The following TRPM3 variants were observed in gnomAD, a reference collection of about 807,000 sequenced individuals.
TRPM3 encodes long transient receptor potential channel 3.
TRPM3 carries 77 observed loss-of-function variants against 181.2 expected under a neutral mutation model. The observed-to-expected ratio is 0.42, with a 90% CI of 0.35 to 0.51. The LOEUF (loss-of-function observed/expected upper bound fraction) is 0.51, where lower values mean the gene tolerates loss of function less well. Among genes scored for constraint, TRPM3 ranks in the 20% least tolerant of loss-of-function variants. TRPM3 has a pLI of 0.01. For synonymous variants in TRPM3, 745 were observed against 796.4 expected (o/e 0.94, Z 1.09); for missense variants, 1,759 against 2,196.7 (o/e 0.80, Z 3.98).
intron 1 of TRPM3, among the ~76,000 whole-genome samples, chr9:70,950,475 A>G (rs930869580): frequency 2.0e-5 from 3 of 152,238 alleles, no homozygotes; most frequent in Non-Finnish European, 2.9e-5. Context: ...AGGAAAAAGT[A>G]AGGTAATTAG....
chr9:70,576,414 C>T (rs2053941612), intron 22 of TRPM3, among the ~76,000 whole-genome samples: 1 of 152,146 alleles, frequency 6.6e-6, no homozygotes, highest in African/African-American at 2.4e-5. Flanking sequence ...CATACTTGAA[C>T]ACAGAAATTC....
chr9:71,369,516 T>A (rs1171979296), intron 1 of TRPM3, among the ~76,000 whole-genome samples: 2 of 152,106 alleles, frequency 1.3e-5, no homozygotes, highest in Admixed American at 1.3e-4. Flanking sequence ...AATGGTCCAT[T>A]TTTTATAACA....
Position 70,537,021 on chromosome 9 carries a change from CT to C in TRPM3, c.4091del (p.Lys1364SerfsTer11). On this transcript the variant is annotated frameshift_variant, in exon 26 of 26. Transcript: ENST00000677713. LOFTEE classifies it high-confidence loss of function. ...VNMKDKGGIEKLESIFKERSL... is the reference protein window; with the variant it reads ...VNMKDKGGIEXLESIFKERSL... ...ACCTTTCTTTAAAAATACTTTCCAA[CT>C]TTTCTATACCACCTTTGTCTTTCAT... 6.2e-7 allele frequency: 1 copy of C among 1,610,288 alleles called. No homozygotes were observed. The highest frequency in any genetic ancestry group is 8.5e-7 in the Non-Finnish European group (1 of 1,176,756).
At chr9:70,598,716 T>C (rs558787427) in intron 20 of TRPM3, 46 bp from the exon 21 acceptor site, 1 of 1,589,460 alleles carries the variant, frequency 6.3e-7, no homozygotes, top group East Asian at 2.2e-5. Context: ...TTTCTGTCTG[T>C]ATTTTCAGCC....
rs368934234 is a variant in TRPM3, at chr9:71,371,787, T to C, written c.183+74866A>G. Among the ~76,000 whole-genome samples, 79 of 152,362 alleles carry C rather than the reference T, an allele frequency of 5.2e-4. 1 individual carries two copies. In the South Asian group the frequency reaches 0.016, roughly 31 times the overall value. ...GCATCACATGCCATAGAGAACTCTT[T>C]GGTGAAGAGTCAATCATTTTGAAAA... On this transcript the variant is annotated intron_variant, in intron 1 of 24. Coordinates refer to the TRPM3 transcript ENST00000357533.
intron 6 of TRPM3, among the ~76,000 whole-genome samples, chr9:70,817,120 C>A (rs1295786936): frequency 6.6e-6 from 1 of 152,214 alleles, no homozygotes; most frequent in Non-Finnish European, 1.5e-5. Context: ...GTCTTCCTTT[C>A]CTTCATACTG....
At chr9:71,336,992 T>TA (rs2090604303) in intron 1 of TRPM3, among the ~76,000 whole-genome samples, 2 of 152,052 alleles carry the variant, frequency 1.3e-5, no homozygotes, top group Non-Finnish European at 2.9e-5. Flanking sequence ...TCTAAAATGA[T>TA]AAAAACACTA....
chr9:71,185,760 C>T (rs1264118197), intron 1 of TRPM3, among the ~76,000 whole-genome samples: 1 of 151,980 alleles, frequency 6.6e-6, no homozygotes, highest in Non-Finnish European at 1.5e-5. Context: ...AGAGGTAAGG[C>T]GTCTCATCCT....
intron 12 of TRPM3, among the ~76,000 whole-genome samples, chr9:70,629,545 C>T (rs572758073): frequency 1.9e-4 from 29 of 152,236 alleles, no homozygotes; most frequent in African/African-American, 7.0e-4. Flanking sequence ...CCATGTTGGT[C>T]AGGCTGGTCT....
chr9:70,687,912 C>A (rs915080435), intron 8 of TRPM3, among the ~76,000 whole-genome samples: 13 of 152,322 alleles, frequency 8.5e-5, no homozygotes, highest in African/African-American at 2.9e-4. Context: ...GACAACAACT[C>A]CCTGCCTTCA....
At chr9:71,409,328 A>C (rs903978511) in intron 1 of TRPM3, among the ~76,000 whole-genome samples, 2 of 152,114 alleles carry the variant, frequency 1.3e-5, no homozygotes, top group African/African-American at 4.8e-5. Flanking sequence ...TGGATAAAGA[A>C]TCAAGACCCA....
At chr9:70,940,491 T>C (rs897784838) in intron 1 of TRPM3, among the ~76,000 whole-genome samples, 2 of 152,254 alleles carry the variant, frequency 1.3e-5, no homozygotes, top group African/African-American at 4.8e-5. Flanking sequence ...TCCTGGAGCA[T>C]CTATCATATG....
intron 5 of TRPM3, among the ~76,000 whole-genome samples, chr9:70,831,985 A>ATATATATT (rs1564497569): frequency 9.3e-5 from 12 of 128,634 alleles, no homozygotes; most frequent in South Asian, 2.4e-4. Context: ...ATATATATAT[A>ATATATATT]TATATATATA....
intron 8 of TRPM3, among the ~76,000 whole-genome samples, chr9:70,743,123 T>C (rs964405462): frequency 3.5e-4 from 53 of 152,236 alleles, no homozygotes; most frequent in African/African-American, 1.3e-3. Context: ...TATTCACAGA[T>C]TTTTCAAAAA....
intron 1 of TRPM3, among the ~76,000 whole-genome samples, chr9:71,411,952 C>A (rs1360177177): frequency 2.0e-5 from 3 of 152,162 alleles, no homozygotes; most frequent in African/African-American, 7.2e-5. Context: ...CACACATCTA[C>A]AACCATCTGA....
rs770898962 is a variant in TRPM3 at position 70,532,584 on chromosome 9, ATAAAG to A, written c.*3364_*3368del. 1.8e-4 allele frequency: 28 copies of A among 152,324 alleles called. No individual in the cohort carries two copies. Among genetic ancestry groups the A allele is most frequent in the Non-Finnish European group, 4.0e-4 (27 of 68,034 alleles). 9.4% of individuals were successfully genotyped at this position (152,324 alleles called of 1,614,324 possible). A position where few individuals can be genotyped will look rare whatever the true frequency, so the allele number is the denominator to read the frequency against. Reference sequence around the variant, plus strand: ...AAGGAGGGGCCCTCTAACTATAAATATAAAGTATATTGGTTAAGCAGGAGACCTCC... The same window carrying A: ...AAGGAGGGGCCCTCTAACTATAAATATATATTGGTTAAGCAGGAGACCTCC... On this transcript the variant is annotated 3_prime_UTR_variant, in exon 26 of 26. Transcript: ENST00000677713.
chr9:71,420,757 AAG>A lies in TRPM3; in HGVS notation c.183+25894_183+25895del, dbSNP rs771977392. 8.4e-3 allele frequency among the ~76,000 whole-genome samples: 166 copies of A among 19,768 alleles called. 1 individual carries two copies. The highest frequency in any genetic ancestry group is 0.059 in the East Asian group (48 of 816). The allele number at this position is 19,768 out of a possible 152,430, so 13.0% of individuals were successfully genotyped here. A position where few individuals can be genotyped will look rare whatever the true frequency, so the allele number is the denominator to read the frequency against. On this transcript the variant is annotated intron_variant, in intron 1 of 24. Transcript: ENST00000357533. The stretch of plus-strand genomic sequence containing the variant: ...AGAGAAAGAGAGAGAAAGAGAGAGA[AAG>A]AGAGAGAAAGAGAGAGAAAGAGAGA...
intron 1 of TRPM3, among the ~76,000 whole-genome samples, chr9:71,363,067 A>T (rs1015543979): frequency 6.6e-6 from 1 of 152,224 alleles, no homozygotes; most frequent in African/African-American, 2.4e-5. Context: ...AGAAATGTTA[A>T]TTGCATTCGT....
At chr9:71,342,441 T>C (rs1169946447) in intron 1 of TRPM3, among the ~76,000 whole-genome samples, 1 of 151,586 alleles carries the variant, frequency 6.6e-6, no homozygotes. Flanking sequence ...GAATAAATTA[T>C]GATACAATTA....
Sources: gnomAD v4.1 joint callset for allele counts (sites outside exome capture counted in the v4.1 genomes callset) on GRCh38, gnomAD v4.1.1 for gene constraint, MANE v1.5 for transcripts, NCBI Gene and HGNC (gene_info 2026-07-23, HGNC 2026-07-21) for gene names.